The following TGFA variants were observed in gnomAD, a reference collection of about 807,000 sequenced individuals.
The protein encoded by TGFA is protransforming growth factor alpha.
Under a neutral mutation model 21.7 loss-of-function variants are expected in TGFA, and 12 were observed. That is an observed-to-expected ratio of 0.55 (90% confidence interval 0.35 to 0.90). TGFA has a LOEUF of 0.90. Ranked by LOEUF, TGFA falls within the 40% of genes least tolerant of loss-of-function variation. TGFA has a pLI of 0.01. For missense variants in TGFA, 178 were observed against 210.8 expected (o/e 0.84, Z 0.96); for synonymous variants, 79 against 88.1 (o/e 0.90, Z 0.58).
Position 70,537,681 on chromosome 2 carries a change from G to C in TGFA, c.40+16047C>G, listed in dbSNP as rs140914830. Among the ~76,000 whole-genome samples the C allele has an allele frequency of 2.7e-3, 412 of 152,320 alleles. 2 individuals carry two copies. Among genetic ancestry groups the C allele is most frequent in the African/African-American group, 9.3e-3 (385 of 41,584 alleles). On this transcript the variant is annotated intron_variant, in intron 1 of 5. Coordinates refer to ENST00000295400, the MANE Select transcript of TGFA (RefSeq NM_003236.4). ...CCCCTAGTTCTTTGATTCTGAGAGA[G>C]GTGAAGAAGCTGCAGAAGAAAGTTG... is the stretch of plus-strand genomic sequence containing the variant.
At chr2:70,488,106 T>C (rs894973780) in intron 2 of TGFA, among the ~76,000 whole-genome samples, 8 of 152,194 alleles carry the variant, frequency 5.3e-5, no homozygotes, top group Non-Finnish European at 8.8e-5. Flanking sequence ...TCAACTTTGG[T>C]TAATTAGCTG....
intron 2 of TGFA, among the ~76,000 whole-genome samples, chr2:70,499,684 T>A (rs1166184658): frequency 1.3e-5 from 2 of 152,232 alleles, no homozygotes; most frequent in African/African-American, 4.8e-5. Context: ...TTTTATTTTG[T>A]ATCTATTGTG....
At chr2:70,506,943 G>A (rs541784432) in intron 2 of TGFA, among the ~76,000 whole-genome samples, 16 of 152,306 alleles carry the variant, frequency 1.1e-4, no homozygotes, top group African/African-American at 3.6e-4. Context: ...TGCAAAGTGG[G>A]TCAATATTTA....
intron 1 of TGFA, among the ~76,000 whole-genome samples, chr2:70,529,314 C>T (rs1187513698): frequency 6.6e-6 from 1 of 152,208 alleles, no homozygotes; most frequent in Non-Finnish European, 1.5e-5. Context: ...TTGGACTCTC[C>T]TATTTGAGCA....
At chr2:70,529,595 G>GCCCC (rs1491189739) in intron 1 of TGFA, among the ~76,000 whole-genome samples, 1 of 144,100 alleles carries the variant, frequency 6.9e-6, no homozygotes, top group Non-Finnish European at 1.5e-5. Context: ...GAATCCCCCC[G>GCCCC]CCCCAGTCCT....
At chr2:70,491,473 C>G (rs1671433050) in intron 2 of TGFA, among the ~76,000 whole-genome samples, 1 of 152,226 alleles carries the variant, frequency 6.6e-6, no homozygotes, top group Non-Finnish European at 1.5e-5. Flanking sequence ...GATGGCTCCA[C>G]CAAAGCCCAC....
intron 2 of TGFA, among the ~76,000 whole-genome samples, chr2:70,492,581 C>T (rs782103093): frequency 1.3e-5 from 2 of 152,230 alleles, no homozygotes; most frequent in African/African-American, 2.4e-5. Context: ...CAGAGCGCCA[C>T]GACTGTCTGG....
intron 2 of TGFA, 46 bp from the exon 3 acceptor site, chr2:70,465,782 A>T: frequency 1.2e-6 from 2 of 1,608,966 alleles, no homozygotes; most frequent in Non-Finnish European, 1.7e-6. Flanking sequence ...AACAGCTGAC[A>T]TGCAAACCCC....
chr2:70,522,897 C>A (rs1356233995), intron 1 of TGFA, among the ~76,000 whole-genome samples: 1 of 152,178 alleles, frequency 6.6e-6, no homozygotes, highest in Non-Finnish European at 1.5e-5. Flanking sequence ...GGGCAGAGAG[C>A]AATGAATGAA....
chr2:70,455,377 G>T (rs1469112487), intron 4 of TGFA, among the ~76,000 whole-genome samples: 3 of 152,154 alleles, frequency 2.0e-5, no homozygotes, highest in African/African-American at 7.2e-5. Flanking sequence ...AGGCAACCTT[G>T]GAGGGTGTAA....
intron 1 of TGFA, among the ~76,000 whole-genome samples, chr2:70,535,861 A>G (rs577952649): frequency 1.3e-5 from 2 of 152,346 alleles, no homozygotes; most frequent in African/African-American, 4.8e-5. Flanking sequence ...CTGTTAGCCA[A>G]AATCTTCTAC....
chr2:70,549,606 C>G (rs1673423546), intron 1 of TGFA, among the ~76,000 whole-genome samples: 1 of 152,192 alleles, frequency 6.6e-6, no homozygotes, highest in Non-Finnish European at 1.5e-5. Context: ...ATGCCTAATT[C>G]AGTGTGTACA....
intron 1 of TGFA, among the ~76,000 whole-genome samples, chr2:70,526,908 A>G (rs1476800411): frequency 1.3e-5 from 2 of 152,196 alleles, no homozygotes; most frequent in Non-Finnish European, 2.9e-5. Context: ...TGCAGTGAGA[A>G]AAGGGTTTCA....
At chr2:70,473,698 G>A (rs1485020971) in intron 2 of TGFA, among the ~76,000 whole-genome samples, 2 of 151,898 alleles carry the variant, frequency 1.3e-5, no homozygotes, top group Non-Finnish European at 2.9e-5. Flanking sequence ...TGTGTGGGAT[G>A]GTGGAGATGA....
At chr2:70,455,908 G>C (rs1176908704) in intron 4 of TGFA, among the ~76,000 whole-genome samples, 3 of 152,192 alleles carry the variant, frequency 2.0e-5, no homozygotes. Context: ...ATGGTCATCA[G>C]CCTGTAACAG....
chr2:70,471,700 G>T (rs1264087638), intron 2 of TGFA, among the ~76,000 whole-genome samples: 1 of 152,200 alleles, frequency 6.6e-6, no homozygotes, highest in Non-Finnish European at 1.5e-5. Context: ...CTTGCTAAGT[G>T]CTGGGGGCTT....
At chr2:70,522,033 C>T (rs2103877601) in intron 1 of TGFA, among the ~76,000 whole-genome samples, 1 of 152,202 alleles carries the variant, frequency 6.6e-6, no homozygotes, top group East Asian at 1.9e-4. Flanking sequence ...ATCATTTCTT[C>T]CTCAGAGGAA....
Position 70,453,285 on chromosome 2 carries a change from GAGGGCCCGGCACC to G in TGFA, c.395_407del (p.Trp132SerfsTer12). The G allele has an allele frequency of 6.2e-7, 1 of 1,614,064 alleles. No homozygotes were observed. The highest frequency in any genetic ancestry group is 8.5e-7 in the Non-Finnish European group (1 of 1,179,950). Reference sequence around the variant, plus strand: ...CGCTGGGCTTCTCGTGCCGGCAGATGAGGGCCCGGCACCACTCACAGTGTTTTCGGACCTGGCA... The same window carrying G: ...CGCTGGGCTTCTCGTGCCGGCAGATGACTCACAGTGTTTTCGGACCTGGCA... On this transcript the variant is annotated frameshift_variant, in exon 5 of 6. Coordinates refer to ENST00000295400, the MANE Select transcript of TGFA (RefSeq NM_003236.4). LOFTEE classifies it high-confidence loss of function.
intron 2 of TGFA, among the ~76,000 whole-genome samples, chr2:70,480,798 C>T (rs925103679): frequency 6.8e-6 from 1 of 147,608 alleles, no homozygotes; most frequent in Non-Finnish European, 1.5e-5. Flanking sequence ...GATAATATCC[C>T]CCAGAGCTGC....
Sources: gnomAD v4.1 joint callset for allele counts (sites outside exome capture counted in the v4.1 genomes callset) on GRCh38, gnomAD v4.1.1 for gene constraint, MANE v1.5 for transcripts, NCBI Gene and HGNC (gene_info 2026-07-23, HGNC 2026-07-21) for gene names.